The following ARHGAP29 variants were observed in gnomAD, a reference collection of about 807,000 sequenced individuals.
The protein encoded by ARHGAP29 is Rho GTPase activating protein 29.
In ARHGAP29, 43 loss-of-function variants were observed where a neutral mutation model predicts 122.6. That is an observed-to-expected ratio of 0.35 (90% CI 0.27 to 0.45). ARHGAP29 has a LOEUF of 0.45. Ranked by LOEUF, ARHGAP29 falls within the 20% of genes least tolerant of loss-of-function variation. ARHGAP29 has a pLI of 1.00. For missense variants in ARHGAP29, 1,303 were observed against 1,477.2 expected, an observed-to-expected ratio of 0.88 and a Z score of 1.93; for synonymous variants, 506 against 497.1, an observed-to-expected ratio of 1.02 and a Z score of -0.24.
intron 1 of ARHGAP29, among the ~76,000 whole-genome samples, chr1:94,236,028 T>C (rs1655760780): frequency 6.6e-6 from 1 of 152,224 alleles, no homozygotes; most frequent in Non-Finnish European, 1.5e-5. Context: ...TGCCAGATAT[T>C]TCAGAAATCT....
rs536948312 is a variant in ARHGAP29 at position 94,196,561 on chromosome 1, CCT to C, written c.1281+5157_1281+5158del. ...CAGGCGTGAGCCACCGCGCCCGGCC[CCT>C]GTTTTTCTTTTTAAATTTTATTGAT... On this transcript the variant is annotated intron_variant, in intron 12 of 22. Transcript: ENST00000260526. Among the ~76,000 whole-genome samples, 77 of 152,134 alleles carry C rather than the reference CCT, an allele frequency of 5.1e-4. No homozygotes were observed. The South Asian group carries it at 0.012, about 24-fold the overall frequency.
At chr1:94,220,639 T>A (rs1652237673) in intron 2 of ARHGAP29, among the ~76,000 whole-genome samples, 1 of 152,164 alleles carries the variant, frequency 6.6e-6, no homozygotes, top group African/African-American at 2.4e-5. Flanking sequence ...AAGTACTTCA[T>A]TTTTCAGTTT....
chr1:94,284,674 A>G, the ARHGAP29 span, among the ~76,000 whole-genome samples: 1 of 152,246 alleles, frequency 6.6e-6, no homozygotes, highest in South Asian at 2.1e-4. Context: ...TCAGCCCATG[A>G]CAGACATAAA....
intron 1 of ARHGAP29, among the ~76,000 whole-genome samples, chr1:94,254,105 G>C (rs547470689): frequency 1.3e-5 from 2 of 152,280 alleles, no homozygotes; most frequent in South Asian, 4.1e-4. Context: ...GCAAATACAA[G>C]TTAAAGTAGT....
chr1:94,272,815 C>T (rs1655042466), intron 1 of ARHGAP29, among the ~76,000 whole-genome samples: 1 of 152,102 alleles, frequency 6.6e-6, no homozygotes, highest in Non-Finnish European at 1.5e-5. Flanking sequence ...GGGCTTTGTC[C>T]CCAGTAGATC....
intron 1 of ARHGAP29, among the ~76,000 whole-genome samples, chr1:94,258,376 G>A (rs1260038645): frequency 6.6e-6 from 1 of 152,188 alleles, no homozygotes; most frequent in Non-Finnish European, 1.5e-5. Flanking sequence ...ATTTTTTAAT[G>A]TGGACAATAA....
intron 5 of ARHGAP29, among the ~76,000 whole-genome samples, chr1:94,207,880 G>A (rs372918405): frequency 5.9e-5 from 9 of 151,316 alleles, no homozygotes; most frequent in East Asian, 1.9e-4. Context: ...AGACAGAGTC[G>A]CACTGGCTAG....
intron 3 of ARHGAP29, 84 bp downstream of exon 3, chr1:94,220,174 T>G: frequency 2.1e-6 from 3 of 1,418,468 alleles, no homozygotes; most frequent in Non-Finnish European, 2.9e-6. Context: ...TGAGAGGAAT[T>G]GGCTATATAT....
At chr1:94,299,120 A>G in the ARHGAP29 span, among the ~76,000 whole-genome samples, 1 of 151,864 alleles carries the variant, frequency 6.6e-6, no homozygotes, top group African/African-American at 2.4e-5. Context: ...ATCGAGGTAC[A>G]TAATCCTGCA....
intron 1 of ARHGAP29, among the ~76,000 whole-genome samples, chr1:94,253,322 G>T (rs973460996): frequency 6.6e-6 from 1 of 152,068 alleles, no homozygotes; most frequent in East Asian, 1.9e-4. Context: ...CGGGCTTACA[G>T]TTAGTCACTG....
chr1:94,184,940 G>C lies in ARHGAP29; in HGVS notation c.2041C>G (p.Pro681Ala). 6.2e-7 allele frequency: 1 copy of C among 1,613,410 alleles called. No individual in the cohort carries two copies. Among genetic ancestry groups the C allele is most frequent in the Non-Finnish European group, 8.5e-7 (1 of 1,179,688 alleles). ...TTGAGTATAAAAGGGATACCATCTG[G>C]TTCCTTTTTTGCAACTTGTGTGAAT... is the stretch of plus-strand genomic sequence containing the variant. ...AEFTQVAKKE[P>A]DGIPFILKIC... Residue 681 changes from proline to alanine, a missense_variant, in exon 18 of 23, where the codon CCA becomes GCA. Pro to Ala is a conservative substitution (Grantham distance 27, BLOSUM62 -1). Coordinates refer to ENST00000260526, the MANE Select transcript of ARHGAP29 (RefSeq NM_004815.4).
At chr1:94,261,085 G>A (rs183447524) in intron 1 of ARHGAP29, among the ~76,000 whole-genome samples, 22 of 152,104 alleles carry the variant, frequency 1.4e-4, no homozygotes, top group Admixed American at 1.1e-3. Context: ...CTCCACTACC[G>A]AATTCCATCA....
chr1:94,201,783 G>T lies in ARHGAP29; in HGVS notation c.1218C>A (p.Thr406=). Residue 406 remains threonine, a synonymous_variant, in exon 12 of 23, where the codon ACC becomes ACA. Coordinates refer to ENST00000260526, the MANE Select transcript of ARHGAP29 (RefSeq NM_004815.4). ...VEERRNDLEN[T]KREILAQLRT... ...GGAGTTGTGCTAAAATTTCTCTTTTGGTATTTTCTAGATCATTTCTTCTTT... is the reference window on the plus strand; with the variant it reads ...GGAGTTGTGCTAAAATTTCTCTTTTTGTATTTTCTAGATCATTTCTTCTTT... The T allele has an allele frequency of 6.2e-7, 1 of 1,613,146 alleles. No individual in the cohort carries two copies. The highest frequency in any genetic ancestry group is 1.3e-5 in the African/African-American group (1 of 74,732).
In ARHGAP29 at chr1:94,243,840, C is replaced by T. The variant is rs181299472; in HGVS notation, c.-32-12197G>A. On this transcript the variant is annotated intron_variant and NMD_transcript_variant, in intron 1 of 25. Coordinates refer to the ARHGAP29 transcript ENST00000552844. Reference sequence around the variant, plus strand: ...AAATCACTAATATGAATGGAAGAAACGACATCAGTACAGACCCTACAGACA... The same window carrying T: ...AAATCACTAATATGAATGGAAGAAATGACATCAGTACAGACCCTACAGACA... Among the ~76,000 whole-genome samples, 307 of 151,356 alleles carry T rather than the reference C, an allele frequency of 2.0e-3. 1 individual carries two copies. Among genetic ancestry groups the T allele is most frequent in the African/African-American group, 5.6e-3 (233 of 41,436 alleles).
At chr1:94,183,808 C>T (rs778917727) in intron 19 of ARHGAP29, among the ~76,000 whole-genome samples, 1 of 152,026 alleles carries the variant, frequency 6.6e-6, no homozygotes, top group Non-Finnish European at 1.5e-5. Context: ...GAATAAATAG[C>T]AAGTATTAAA....
At chr1:94,229,069 A>G (rs1407458910) in intron 2 of ARHGAP29, among the ~76,000 whole-genome samples, 1 of 151,768 alleles carries the variant, frequency 6.6e-6, no homozygotes, top group African/African-American at 2.4e-5. Flanking sequence ...AGGGCTACTG[A>G]GAAATTACTG....
At chr1:94,269,634 T>C (rs1482243796) in intron 1 of ARHGAP29, among the ~76,000 whole-genome samples, 2 of 152,096 alleles carry the variant, frequency 1.3e-5, no homozygotes, top group Non-Finnish European at 2.9e-5. Context: ...AATAAGAAAT[T>C]CAATCTTACT....
chr1:94,233,279 T>C (rs952402707), intron 1 of ARHGAP29, among the ~76,000 whole-genome samples: 3 of 152,120 alleles, frequency 2.0e-5, no homozygotes, highest in Non-Finnish European at 2.9e-5. Flanking sequence ...GTAATATCCG[T>C]TTCTAGTCAT....
chr1:94,249,494 C>T (rs1653993361), intron 1 of ARHGAP29: 1 of 152,312 alleles, frequency 6.6e-6, no homozygotes, highest in Non-Finnish European at 1.5e-5. Context: ...CTCACGCCTG[C>T]AATCCCAGCA....
Sources: gnomAD v4.1 joint callset for allele counts (sites outside exome capture counted in the v4.1 genomes callset) on GRCh38, gnomAD v4.1.1 for gene constraint, MANE v1.5 for transcripts, NCBI Gene and HGNC (gene_info 2026-07-23, HGNC 2026-07-21) for gene names.